The following VMP1 variants were observed in gnomAD, a reference collection of about 807,000 sequenced individuals.
The protein encoded by VMP1 is vacuole membrane protein 1.
Under a neutral mutation model 56.0 loss-of-function variants are expected in VMP1, and 11 were observed. The ratio of observed to expected loss-of-function variants is 0.20; its 90% CI spans 0.12 to 0.32. The LOEUF is 0.32. VMP1 is among the 10% of genes least tolerant of loss of function. VMP1 has a pLI of 1.00. For missense variants in VMP1, 296 were observed against 490.3 expected (o/e 0.60, Z 3.74); for synonymous variants, 149 against 165.0 (o/e 0.90, Z 0.74).
chr17:59,720,185 A>G (rs2034339124), intron 1 of VMP1, among the ~76,000 whole-genome samples: 2 of 152,258 alleles, frequency 1.3e-5, no homozygotes, highest in Non-Finnish European at 1.5e-5. Flanking sequence ...TCCTACATCT[A>G]GGAATCTCAC....
intron 7 of VMP1, among the ~76,000 whole-genome samples, chr17:59,807,323 G>A (rs1486721521): frequency 1.3e-5 from 2 of 150,156 alleles, no homozygotes; most frequent in African/African-American, 2.5e-5. Context: ...TCAGCCTCCC[G>A]AGTAGCTGGG....
chr17:59,758,141 C>T (rs969251137), intron 5 of VMP1, among the ~76,000 whole-genome samples: 4 of 152,056 alleles, frequency 2.6e-5, no homozygotes, highest in African/African-American at 9.7e-5. Context: ...CCTGCCTTGC[C>T]TATTTGCCAC....
At chr17:59,715,947 G>A (rs1289079026) in intron 1 of VMP1, among the ~76,000 whole-genome samples, 2 of 151,918 alleles carry the variant, frequency 1.3e-5, no homozygotes, top group South Asian at 2.1e-4. Flanking sequence ...ATTTAGGACT[G>A]TGTGCATTAA....
chr17:59,809,053 G>A (rs2037948686), intron 8 of VMP1, among the ~76,000 whole-genome samples, 177 bp downstream of exon 8: 1 of 151,504 alleles, frequency 6.6e-6, no homozygotes, highest in African/African-American at 2.4e-5. Flanking sequence ...AGGCTGGAGT[G>A]CAGTGGCATG....
At chr17:59,710,290 G>A (rs2033865493) in intron 1 of VMP1, among the ~76,000 whole-genome samples, 1 of 152,202 alleles carries the variant, frequency 6.6e-6, no homozygotes, top group South Asian at 2.1e-4. Context: ...ATTTAACAGA[G>A]GAGAAAATTA....
rs763467142 is a variant in VMP1 at position 59,838,379 on chromosome 17, C to T, written c.1059C>T (p.Ser353=). The part of the protein sequence containing the change: ...EAQRQKLHHK[S]EMGTPQGENW... ...AACGGCAGAAGCTTCACCACAAAAG[C>T]GAAATGGGCACACCACAGGTAAGAC... The change falls in exon 11 of 12, where the codon AGC becomes AGT. Residue 353 remains serine (S), a synonymous_variant. Coordinates refer to ENST00000262291, the MANE Select transcript of VMP1 (RefSeq NM_030938.5). 7.4e-6 allele frequency: 12 copies of T among 1,613,960 alleles called. 1 individual carries two copies. Among genetic ancestry groups the T allele is most frequent in the Admixed American group, 1.7e-5 (1 of 59,982 alleles).
chr17:59,830,093 T>A (rs991709385), intron 10 of VMP1, among the ~76,000 whole-genome samples: 1 of 152,036 alleles, frequency 6.6e-6, no homozygotes, highest in African/African-American at 2.4e-5. Context: ...AGGTTTTCAG[T>A]CTCCTGAAGT....
intron 5 of VMP1, among the ~76,000 whole-genome samples, chr17:59,762,461 T>C (rs1014519558): frequency 2.0e-5 from 3 of 152,228 alleles, no homozygotes; most frequent in Non-Finnish European, 4.4e-5. Context: ...TTTAAAACTT[T>C]TAATCAAAAA....
At chr17:59,811,962 C>A (rs1355014277) in intron 9 of VMP1, among the ~76,000 whole-genome samples, 176 bp downstream of exon 9, 4 of 152,036 alleles carry the variant, frequency 2.6e-5, no homozygotes, top group Non-Finnish European at 5.9e-5. Flanking sequence ...TGTTTTCTTT[C>A]TTTTCTTCTT....
At chr17:59,811,342 T>C (rs955632710) in intron 8 of VMP1, among the ~76,000 whole-genome samples, 1 of 152,202 alleles carries the variant, frequency 6.6e-6, no homozygotes, top group Non-Finnish European at 1.5e-5. Context: ...ATTAAATTCC[T>C]GCAGGTCCAC....
chr17:59,826,109 G>T (rs1228991397), intron 10 of VMP1, among the ~76,000 whole-genome samples: 1 of 152,228 alleles, frequency 6.6e-6, no homozygotes, highest in Non-Finnish European at 1.5e-5. Context: ...TTAAACCCCA[G>T]CTGCCGAGAC....
intron 7 of VMP1, among the ~76,000 whole-genome samples, chr17:59,777,728 C>T (rs779527147): frequency 6.6e-5 from 10 of 151,894 alleles, no homozygotes; most frequent in Non-Finnish European, 1.3e-4. Context: ...ACAGGAGAAT[C>T]GCGTGAACCC....
chr17:59,730,372 C>G (rs902842948), intron 1 of VMP1, among the ~76,000 whole-genome samples: 1 of 151,968 alleles, frequency 6.6e-6, no homozygotes, highest in South Asian at 2.1e-4. Context: ...CCCAAGCAAT[C>G]CTCCCACCTC....
chr17:59,717,574 G>C (rs1221626553), intron 1 of VMP1, among the ~76,000 whole-genome samples: 1 of 151,726 alleles, frequency 6.6e-6, no homozygotes, highest in Non-Finnish European at 1.5e-5. Context: ...GTACAGACAG[G>C]GTTCCACAGT....
intron 10 of VMP1, among the ~76,000 whole-genome samples, chr17:59,823,472 G>A (rs1186903267): frequency 1.3e-5 from 2 of 150,398 alleles, no homozygotes; most frequent in Non-Finnish European, 3.0e-5. Flanking sequence ...AAATCGGGCC[G>A]GGGGCAGTGG....
intron 8 of VMP1, among the ~76,000 whole-genome samples, chr17:59,811,330 G>A (rs1232082341): frequency 6.6e-6 from 1 of 152,090 alleles, no homozygotes; most frequent in Non-Finnish European, 1.5e-5. Context: ...CAACTGAACG[G>A]GATTAAATTC....
intron 10 of VMP1, among the ~76,000 whole-genome samples, chr17:59,832,477 A>T (rs1341931227): frequency 6.6e-6 from 1 of 152,004 alleles, no homozygotes; most frequent in Non-Finnish European, 1.5e-5. Context: ...TAGCTAGTTT[A>T]GGTATATTTT....
chr17:59,766,579 G>A (rs2036238192), intron 6 of VMP1, among the ~76,000 whole-genome samples: 1 of 152,096 alleles, frequency 6.6e-6, no homozygotes, highest in East Asian at 1.9e-4. Context: ...ACTAAAGTAA[G>A]GTCAGACATT....
At chr17:59,779,374 G>A (rs555808196) in intron 7 of VMP1, among the ~76,000 whole-genome samples, 1 of 152,336 alleles carries the variant, frequency 6.6e-6, no homozygotes, top group East Asian at 1.9e-4. Flanking sequence ...GCCTGGCTGT[G>A]CTGAGTAGGG....
Sources: allele counts gnomAD v4.1 joint callset (sites outside exome capture counted in the v4.1 genomes callset), GRCh38; gene constraint gnomAD v4.1.1; transcripts MANE v1.5; gene names NCBI Gene and HGNC (gene_info 2026-07-23, HGNC 2026-07-21).